MACROD1: variants seen among roughly 807,000 people sequenced by gnomAD.
MACROD1 encodes the protein ADP-ribose glycohydrolase MACROD1.
In MACROD1, 31 loss-of-function variants were observed where a neutral mutation model predicts 41.4. That is an observed-to-expected ratio of 0.75 (90% CI 0.56 to 1.01). MACROD1 has a LOEUF of 1.01. Among genes scored for constraint, MACROD1 ranks in the 50% least tolerant of loss-of-function variants. MACROD1 has a pLI of 0.00. For synonymous variants in MACROD1, 252 were observed against 203.4 expected (o/e 1.24, Z -2.03); for missense variants, 473 against 460.0 (o/e 1.03, Z -0.26).
intron 3 of MACROD1, among the ~76,000 whole-genome samples, chr11:64,016,588 G>A (rs370946010): frequency 2.9e-4 from 44 of 152,386 alleles, no homozygotes; most frequent in South Asian, 1.0e-3. Context: ...AAGTGGTGTC[G>A]GGCGGCTCCG....
chr11:63,998,683 C>T lies in MACROD1; in HGVS notation c.*35G>A, dbSNP rs541966816. The T allele has an allele frequency of 2.1e-4, 278 of 1,339,594 alleles. 3 individuals are homozygous for T. In the East Asian group the frequency reaches 7.8e-3, roughly 37 times the overall value. 83.0% of individuals were successfully genotyped at this position (1,339,594 alleles called of 1,614,324 possible). ...AGAGCTGGGAGCGGGGTCCCGAAGG[C>T]GGGTCTGAGGGCAGAGCAGAGTCAG... On this transcript the variant is annotated 3_prime_UTR_variant, in exon 11 of 11. Transcript: ENST00000255681.
intron 3 of MACROD1, among the ~76,000 whole-genome samples, chr11:64,059,587 G>A (rs930496359): frequency 6.6e-6 from 1 of 152,162 alleles, no homozygotes; most frequent in African/African-American, 2.4e-5. Flanking sequence ...AGGCTGGAAG[G>A]TGTGTGTGCC....
At chr11:64,023,293 T>C (rs909395736) in intron 3 of MACROD1, among the ~76,000 whole-genome samples, 1 of 152,152 alleles carries the variant, frequency 6.6e-6, no homozygotes, top group Non-Finnish European at 1.5e-5. Flanking sequence ...AACAGTCTTA[T>C]GCTTTGCCAG....
intron 4 of MACROD1, chr11:64,001,022 G>A (rs532261472): frequency 1.5e-5 from 3 of 200,858 alleles, no homozygotes; most frequent in South Asian, 2.0e-4. Flanking sequence ...CCTCGTTAGC[G>A]CATCCAGCTT....
At chr11:64,020,659 C>G (rs1943140920) in intron 3 of MACROD1, among the ~76,000 whole-genome samples, 2 of 152,108 alleles carry the variant, frequency 1.3e-5, no homozygotes, top group South Asian at 4.1e-4. Flanking sequence ...CTCCTGGCCC[C>G]CGGTGATGCT....
Position 63,998,872 on chromosome 11 carries a change from G to T in MACROD1, c.974C>A (p.Ala325Asp). 12 of 1,594,740 alleles carry T rather than the reference G, an allele frequency of 7.5e-6. No individual in the cohort carries two copies. The highest frequency in any genetic ancestry group is 1.0e-5 in the Non-Finnish European group (12 of 1,172,224). Residue 325 changes from alanine to aspartate, a missense_variant and splice_region_variant, in exon 10 of 11, where the codon GCC (alanine) becomes GAC (aspartate). Ala to Asp is a moderately radical substitution (Grantham distance 126). Coordinates refer to ENST00000255681, the MANE Select transcript of MACROD1 (RefSeq NM_014067.4). ...TCAGGGTGGGCTGCGGGAGCCTCAG[G>T]CTGGAAGGCAGAGGACAGTGAGAGC... ...RSRLPHYFPV[A>D]
intron 3 of MACROD1, chr11:64,117,754 C>T: frequency 6.2e-7 from 1 of 1,614,046 alleles, no homozygotes; most frequent in Non-Finnish European, 8.5e-7. Flanking sequence ...CTGCTGACAG[C>T]CCTGGAGCCC....
chr11:64,101,070 C>T (rs557482453), intron 3 of MACROD1, among the ~76,000 whole-genome samples: 1 of 152,194 alleles, frequency 6.6e-6, no homozygotes, highest in South Asian at 2.1e-4. Flanking sequence ...GGAGACAATT[C>T]TTTTCATGCT....
chr11:64,049,010 C>T (rs547888424), intron 3 of MACROD1, among the ~76,000 whole-genome samples: 9 of 152,302 alleles, frequency 5.9e-5, no homozygotes, highest in African/African-American at 1.7e-4. Flanking sequence ...ACTGGGGTGC[C>T]GGCTGCCTCC....
chr11:64,060,815 CCCCGGGTCG>C (rs1203448465), intron 3 of MACROD1, among the ~76,000 whole-genome samples: 4 of 152,212 alleles, frequency 2.6e-5, no homozygotes, highest in African/African-American at 9.7e-5. Flanking sequence ...GTCCTGCAGC[CCCCGGGTCG>C]CCCGGGTCCC....
Position 64,068,089 on chromosome 11 carries a change from C to T in MACROD1, c.518-52808G>A, listed in dbSNP as rs1184807452. On this transcript the variant is annotated intron_variant, in intron 3 of 10. Transcript: ENST00000255681. ...AAATGATTCTCAAACCGGAGCCGGG[C>T]GAAGTTGAAGTAAAATTAAGAAAGT... 2.6e-5 allele frequency among the ~76,000 whole-genome samples: 4 copies of T among 152,268 alleles called. No individual in the cohort carries two copies. The South Asian group carries it at 6.2e-4, about 24-fold the overall frequency.
At chr11:64,077,417 G>A (rs564732241) in intron 3 of MACROD1, among the ~76,000 whole-genome samples, 327 of 152,218 alleles carry the variant, frequency 2.1e-3, no homozygotes, top group Middle Eastern at 3.4e-3. Flanking sequence ...GCTGTGCCCC[G>A]TCCTCGGATT....
chr11:64,030,718 A>G (rs940309310), intron 3 of MACROD1, among the ~76,000 whole-genome samples: 5 of 152,092 alleles, frequency 3.3e-5, no homozygotes, highest in Admixed American at 3.3e-4. Flanking sequence ...ACAAAACAGA[A>G]GTGGAGGAGG....
chr11:64,154,183 C>G (rs1438673000), intron 1 of MACROD1, among the ~76,000 whole-genome samples: 1 of 152,176 alleles, frequency 6.6e-6, no homozygotes, highest in East Asian at 1.9e-4. Context: ...TCCCTCCACT[C>G]TCTTCTGAGC....
chr11:64,153,110 G>A lies in MACROD1; in HGVS notation c.299-717C>T, dbSNP rs139196730. 4.3e-3 allele frequency among the ~76,000 whole-genome samples: 661 copies of A among 152,036 alleles called. 2 individuals are homozygous for A. The highest frequency in any genetic ancestry group is 0.015 in the African/African-American group (636 of 41,464). Reference sequence around the variant, plus strand: ...CACAGACTCGGGGTCCACCCTGGCCGGCTCCCCTTGCCTGAGCACTGTCCC... The same window carrying A: ...CACAGACTCGGGGTCCACCCTGGCCAGCTCCCCTTGCCTGAGCACTGTCCC... On this transcript the variant is annotated intron_variant, in intron 1 of 10. Transcript: ENST00000255681.
At chr11:64,041,445 G>C (rs1006167186) in intron 3 of MACROD1, among the ~76,000 whole-genome samples, 2 of 151,888 alleles carry the variant, frequency 1.3e-5, no homozygotes, top group African/African-American at 4.8e-5. Context: ...GGGGAGGTCA[G>C]CCAGGGGCTG....
chr11:63,999,886 T>C, intron 5 of MACROD1, 123 bp from the exon 6 acceptor site: 1 of 1,155,080 alleles, frequency 8.7e-7, no homozygotes, highest in East Asian at 2.6e-5. Context: ...CTGAGCCTCC[T>C]CCGCGAAGGC....
chr11:64,014,990 C>A (rs1288738606), intron 4 of MACROD1, among the ~76,000 whole-genome samples: 1 of 152,208 alleles, frequency 6.6e-6, no homozygotes, highest in Non-Finnish European at 1.5e-5. Flanking sequence ...GGGTTTTTTC[C>A]ACCACACTTG....
chr11:64,149,608 G>A (rs1363283147), intron 3 of MACROD1, among the ~76,000 whole-genome samples: 24 of 152,174 alleles, frequency 1.6e-4, no homozygotes, highest in Admixed American at 1.5e-3. Flanking sequence ...ATGTTGCAGC[G>A]AACCACCAAC....
Sources: allele counts gnomAD v4.1 joint callset (sites outside exome capture counted in the v4.1 genomes callset), GRCh38; gene constraint gnomAD v4.1.1; transcripts MANE v1.5; gene names NCBI Gene and HGNC (gene_info 2026-07-23, HGNC 2026-07-21).